The following SNTG2 variants were observed in gnomAD, a reference collection of about 807,000 sequenced individuals.
The protein encoded by SNTG2 is gamma-2-syntrophin.
SNTG2 carries 74 observed loss-of-function variants against 70.9 expected under a neutral mutation model. That is an observed-to-expected ratio of 1.04 (90% CI 0.86 to 1.27). SNTG2 has a LOEUF of 1.27. Ranked by LOEUF, SNTG2 falls within the 50% of genes most tolerant of loss-of-function variation. The pLI is 0.00. For synonymous variants in SNTG2, 278 were observed against 273.8 expected, an observed-to-expected ratio of 1.02 and a Z score of -0.15; for missense variants, 717 against 690.7, an observed-to-expected ratio of 1.04 and a Z score of -0.43.
chr2:1,210,653 C>T (rs1673979727), intron 9 of SNTG2: 2 of 152,228 alleles, frequency 1.3e-5, no homozygotes, highest in Admixed American at 6.5e-5. Context: ...CCCAGAACAA[C>T]TTCCAGTCCT....
chr2:961,716 A>G (rs1660357518), intron 1 of SNTG2, among the ~76,000 whole-genome samples: 1 of 152,124 alleles, frequency 6.6e-6, no homozygotes, highest in Non-Finnish European at 1.5e-5. Flanking sequence ...TTCCCAGTGA[A>G]TGGGTCTAAG....
At chr2:1,180,264 A>T (rs1671781965) in intron 8 of SNTG2, among the ~76,000 whole-genome samples, 1 of 134,422 alleles carries the variant, frequency 7.4e-6, no homozygotes, top group Non-Finnish European at 1.6e-5. Flanking sequence ...AGAAACTACC[A>T]TCAGAGTGAA....
chr2:1,186,266 T>C (rs1672245360), intron 8 of SNTG2, among the ~76,000 whole-genome samples: 1 of 152,210 alleles, frequency 6.6e-6, no homozygotes, highest in Non-Finnish European at 1.5e-5. Flanking sequence ...ATCAGCATTT[T>C]GGTCACAACT....
At chr2:1,057,521 G>T (rs1017573612) in intron 1 of SNTG2, among the ~76,000 whole-genome samples, 1 of 152,114 alleles carries the variant, frequency 6.6e-6, no homozygotes, top group South Asian at 2.1e-4. Context: ...CATCCAGTGC[G>T]GGAGAAAGAT....
intron 1 of SNTG2, among the ~76,000 whole-genome samples, chr2:1,050,851 A>G (rs1327516515): frequency 6.6e-6 from 1 of 152,154 alleles, no homozygotes; most frequent in African/African-American, 2.4e-5. Flanking sequence ...TCCTCCCAAT[A>G]ATGTTTTGTA....
At chr2:1,034,069 GT>G (rs1435728551) in intron 1 of SNTG2, among the ~76,000 whole-genome samples, 1 of 151,728 alleles carries the variant, frequency 6.6e-6, no homozygotes, top group Non-Finnish European at 1.5e-5. Flanking sequence ...TGTTGTACAG[GT>G]TTTTGTCACC....
chr2:1,278,156 A>G (rs1406213039), intron 14 of SNTG2, among the ~76,000 whole-genome samples: 1 of 152,238 alleles, frequency 6.6e-6, no homozygotes, highest in Non-Finnish European at 1.5e-5. Flanking sequence ...ACGGTATAAC[A>G]TGCACTTCAC....
intron 11 of SNTG2, 35 bp from the exon 12 acceptor site, chr2:1,247,292 T>C: frequency 7.2e-7 from 1 of 1,383,172 alleles, no homozygotes; most frequent in South Asian, 1.2e-5. Context: ...TATGCCCTCA[T>C]TAAGGCTTGG....
chr2:1,186,792 G>A (rs1672280233), intron 8 of SNTG2, among the ~76,000 whole-genome samples: 1 of 152,144 alleles, frequency 6.6e-6, no homozygotes, highest in Admixed American at 6.5e-5. Flanking sequence ...TGAGATTTTA[G>A]TGGAGACACA....
At chr2:1,123,052 A>G (rs1261392582) in intron 4 of SNTG2, among the ~76,000 whole-genome samples, 1 of 152,190 alleles carries the variant, frequency 6.6e-6, no homozygotes, top group Non-Finnish European at 1.5e-5. Flanking sequence ...AGACAATTCA[A>G]AACATTGAAG....
chr2:1,031,785 A>G (rs996704344), intron 1 of SNTG2, among the ~76,000 whole-genome samples: 1 of 151,980 alleles, frequency 6.6e-6, no homozygotes, highest in Non-Finnish European at 1.5e-5. Context: ...GAGAGAAGCC[A>G]GATGGAAAAG....
At chr2:1,081,930 A>C (rs1390647049) in intron 1 of SNTG2, among the ~76,000 whole-genome samples, 1 of 152,218 alleles carries the variant, frequency 6.6e-6, no homozygotes, top group Non-Finnish European at 1.5e-5. Context: ...GTGTGTGAGC[A>C]CAGTCCTGCA....
At chr2:1,331,261 T>C (rs1201904469) in intron 16 of SNTG2, among the ~76,000 whole-genome samples, 2 of 152,288 alleles carry the variant, frequency 1.3e-5, no homozygotes, top group Middle Eastern at 3.4e-3. Context: ...CTAATGGAAA[T>C]TGGTCCCAAA....
At chr2:1,300,575 C>T (rs1489247733) in intron 14 of SNTG2, among the ~76,000 whole-genome samples, 1 of 152,174 alleles carries the variant, frequency 6.6e-6, no homozygotes, top group Non-Finnish European at 1.5e-5. Flanking sequence ...AGAAGAGCTA[C>T]CTGTGCCCAT....
intron 1 of SNTG2, among the ~76,000 whole-genome samples, chr2:1,026,095 A>G (rs544913369): frequency 1.3e-5 from 2 of 152,344 alleles, no homozygotes; most frequent in Non-Finnish European, 2.9e-5. Context: ...GAGTAATTTT[A>G]ATATGAATTG....
chr2:986,107 G>GAGAGAGAT (rs1553304950), intron 1 of SNTG2, among the ~76,000 whole-genome samples: 4 of 144,066 alleles, frequency 2.8e-5, no homozygotes, highest in Admixed American at 6.9e-5. Flanking sequence ...GAGAGAGAGA[G>GAGAGAGAT]AGATCAGAGG....
At chr2:1,251,547 A>C (rs903471021) in intron 12 of SNTG2, among the ~76,000 whole-genome samples, 1 of 146,616 alleles carries the variant, frequency 6.8e-6, no homozygotes, top group East Asian at 2.1e-4. Flanking sequence ...TAACATATGC[A>C]CACACCATAC....
At position 1,218,079 on chromosome 2, in the gene SNTG2, C is replaced by T. The variant is rs187035439; in HGVS notation, c.719+8849C>T. Among the ~76,000 whole-genome samples, 6 of 152,202 alleles carry T rather than the reference C, an allele frequency of 3.9e-5. No individual in the cohort carries two copies. The East Asian group carries it at 1.2e-3, about 30-fold the overall frequency. ...CCCCACCTTTGTCAGCCAAGGGCTGCTCTCCACCACCAGAGACCACCATGT... is the reference window on the plus strand; with the variant it reads ...CCCCACCTTTGTCAGCCAAGGGCTGTTCTCCACCACCAGAGACCACCATGT... On this transcript the variant is annotated intron_variant, in intron 9 of 16. Coordinates refer to ENST00000308624, the MANE Select transcript of SNTG2 (RefSeq NM_018968.4).
Position 969,066 on chromosome 2 carries a change from T to G in SNTG2, c.72+17998T>G, listed in dbSNP as rs140288111. Among the ~76,000 whole-genome samples, 9 of 152,340 alleles carry G rather than the reference T, an allele frequency of 5.9e-5. No homozygotes were observed. In the East Asian group the frequency reaches 1.7e-3, roughly 29 times the overall value. ...ATATGGTGAAAGGAGGGGTCCAGTTTCAATCTTCTCCATATGGCAAGTCAG... is the reference window on the plus strand; with the variant it reads ...ATATGGTGAAAGGAGGGGTCCAGTTGCAATCTTCTCCATATGGCAAGTCAG... On this transcript the variant is annotated intron_variant, in intron 1 of 16. Transcript: ENST00000308624.
Sources: allele counts gnomAD v4.1 joint callset (sites outside exome capture counted in the v4.1 genomes callset), GRCh38; gene constraint gnomAD v4.1.1; transcripts MANE v1.5; gene names NCBI Gene and HGNC (gene_info 2026-07-23, HGNC 2026-07-21).